The following HNRNPA2B1 variants were observed in gnomAD, a reference collection of about 807,000 sequenced individuals.
The protein encoded by HNRNPA2B1 is heterogeneous nuclear ribonucleoproteins A2/B1.
Under a neutral mutation model 46.3 loss-of-function variants are expected in HNRNPA2B1, and 3 were observed. That is an observed-to-expected ratio of 0.06 (90% CI 0.03 to 0.17). The LOEUF is 0.17. Among genes scored for constraint, HNRNPA2B1 ranks in the 10% least tolerant of loss-of-function variants. The pLI is 1.00. For missense variants in HNRNPA2B1, 221 were observed against 418.9 expected (o/e 0.53, Z 4.12); for synonymous variants, 225 against 133.8 (o/e 1.68, Z -4.70).
At position 26,196,491 on chromosome 7, in the gene HNRNPA2B1, A is replaced by G. The variant is rs199915606; in HGVS notation, c.578-10T>C. ...CCAAAGCCAAAGTTGCCTACAATAAATGCCCCAGTTAGAAGCAAGCCCTTA... is the reference window on the plus strand; with the variant it reads ...CCAAAGCCAAAGTTGCCTACAATAAGTGCCCCAGTTAGAAGCAAGCCCTTA... On this transcript the variant is annotated splice_polypyrimidine_tract_variant and intron_variant, in intron 5 of 10. Coordinates refer to ENST00000618183, the MANE Select transcript of HNRNPA2B1 (RefSeq NM_002137.4). 310 of 1,614,148 alleles carry G rather than the reference A, an allele frequency of 1.9e-4. No individual in the cohort carries two copies. The highest frequency in any genetic ancestry group is 2.6e-4 in the Non-Finnish European group (301 of 1,179,984).
At chr7:26,199,550 A>G (rs1784105938) in intron 1 of HNRNPA2B1, 1 of 152,206 alleles carries the variant, frequency 6.6e-6, no homozygotes, top group Non-Finnish European at 1.5e-5. Context: ...TCTCAGTAAC[A>G]ACATTACTTA....
At chr7:26,198,037 A>T (rs1783857287) in intron 1 of HNRNPA2B1, 2 of 440,022 alleles carry the variant, frequency 4.5e-6, no homozygotes, top group Non-Finnish European at 7.9e-6. Flanking sequence ...TTAAAAAAAA[A>T]ACTTTCTAAG....
intron 7 of HNRNPA2B1, among the ~76,000 whole-genome samples, chr7:26,195,431 GT>G (rs373772906): frequency 6.6e-6 from 1 of 152,174 alleles, no homozygotes; most frequent in African/African-American, 2.4e-5. Context: ...ATTTCCGTAG[GT>G]TACGCTTTTT....
intron 8 of HNRNPA2B1, 85 bp downstream of exon 8, chr7:26,193,490 G>A: frequency 1.3e-6 from 2 of 1,534,864 alleles, no homozygotes; most frequent in Non-Finnish European, 1.8e-6. Flanking sequence ...TGGGCATCTA[G>A]TGACAAACAT....
chr7:26,195,218 G>GT (rs1554332645), intron 7 of HNRNPA2B1, among the ~76,000 whole-genome samples: 1 of 150,460 alleles, frequency 6.6e-6, no homozygotes, highest in Non-Finnish European at 1.5e-5. Flanking sequence ...AAGTAGAACA[G>GT]TGAGATACAC....
Position 26,191,690 on chromosome 7 carries a change from T to C in HNRNPA2B1, c.*670A>G, listed in dbSNP as rs1306682419. On this transcript the variant is annotated 3_prime_UTR_variant, in exon 11 of 11. Coordinates refer to ENST00000618183, the MANE Select transcript of HNRNPA2B1 (RefSeq NM_002137.4). ...CTCCTTGCAGAGATATCCCTTAAGT[T>C]ATCTACATAATTTAATCCTGATGAA... The C allele has an allele frequency of 1.3e-5, 2 of 152,234 alleles. No individual in the cohort carries two copies. The highest frequency in any genetic ancestry group is 6.5e-5 in the Admixed American group (1 of 15,278). The allele number at this position is 152,234 out of a possible 1,614,324, so 9.4% of individuals were successfully genotyped here.
chr7:26,191,355 C>G lies in HNRNPA2B1; in HGVS notation c.*1005G>C, dbSNP rs190255971. 6.6e-6 allele frequency: 1 copy of G among 151,976 alleles called. No homozygotes were observed. The highest frequency in any genetic ancestry group is 2.4e-5 in the African/African-American group (1 of 41,360). 9.4% of individuals were successfully genotyped at this position (151,976 alleles called of 1,614,324 possible). ...CGTAAGAACCACTATACTGAAAGAC[C>G]ATTTAAGAGTATTAGTTTATCTTTT... is the stretch of plus-strand genomic sequence containing the variant. On this transcript the variant is annotated 3_prime_UTR_variant, in exon 11 of 11. Coordinates refer to ENST00000618183, the MANE Select transcript of HNRNPA2B1 (RefSeq NM_002137.4).
chr7:26,194,648 A>T (rs1036907135), intron 7 of HNRNPA2B1, among the ~76,000 whole-genome samples: 3 of 151,962 alleles, frequency 2.0e-5, no homozygotes, highest in African/African-American at 7.3e-5. Context: ...AGCCAAGATC[A>T]CACCACTGCA....
chr7:26,193,727 A>C (rs1204608593), intron 7 of HNRNPA2B1, 33 bp from the exon 8 acceptor site: 4 of 1,565,086 alleles, frequency 2.6e-6, no homozygotes, highest in East Asian at 2.2e-5. Context: ...GTAATCACTT[A>C]ATATTTTCAA....
In HNRNPA2B1 at chr7:26,192,478, A is replaced by G; in HGVS notation, c.*21+17T>C. ...CTCCCAAGATAATAATAATTGTAAA[A>G]CTCAAAAGCTACTTACCCATGGCAA... On this transcript the variant is annotated intron_variant, in intron 10 of 10. Transcript: ENST00000618183. 1 of 1,533,928 alleles carries G rather than the reference A, an allele frequency of 6.5e-7. No homozygotes were observed. Among genetic ancestry groups the G allele is most frequent in the Non-Finnish European group, 9.0e-7 (1 of 1,107,430 alleles).
intron 7 of HNRNPA2B1, among the ~76,000 whole-genome samples, chr7:26,195,320 TGTATCA>T (rs1204343615): frequency 2.0e-5 from 3 of 152,200 alleles, no homozygotes; most frequent in African/African-American, 7.2e-5. Flanking sequence ...TCTGTCAGTG[TGTATCA>T]GCCTTTTCTG....
intron 1 of HNRNPA2B1, chr7:26,197,933 C>CTGATACAGCG: frequency 8.8e-7 from 1 of 1,131,128 alleles, no homozygotes; most frequent in Non-Finnish European, 1.2e-6. Flanking sequence ...AGTTGTGTTA[C>CTGATACAGCG]ACCAAAAAAT....
chr7:26,193,542 T>C (rs751899839), intron 8 of HNRNPA2B1, 33 bp downstream of exon 8: 1 of 1,568,892 alleles, frequency 6.4e-7, no homozygotes, highest in Non-Finnish European at 8.6e-7. Flanking sequence ...TAATTCCAAA[T>C]TCCCACATAA....
At chr7:26,196,734 A>T (rs913284813) in intron 4 of HNRNPA2B1, 73 bp downstream of exon 4, 2 of 1,562,674 alleles carry the variant, frequency 1.3e-6, no homozygotes, top group Non-Finnish European at 1.8e-6. Context: ...CCTTTCAATA[A>T]AGTTACAGAT....
chr7:26,200,303 C>T, intron 1 of HNRNPA2B1: 1 of 527,586 alleles, frequency 1.9e-6, no homozygotes, highest in Non-Finnish European at 3.4e-6. Context: ...GCCCCACTTT[C>T]ACCCCAGCGG....
intron 8 of HNRNPA2B1, 84 bp downstream of exon 8, chr7:26,193,491 T>G (rs1273487689): frequency 5.2e-6 from 8 of 1,536,454 alleles, no homozygotes; most frequent in Non-Finnish European, 8.8e-7. Context: ...GGGCATCTAG[T>G]GACAAACATG....
chr7:26,194,341 A>G (rs1448284841), intron 7 of HNRNPA2B1, among the ~76,000 whole-genome samples: 1 of 152,016 alleles, frequency 6.6e-6, no homozygotes, highest in East Asian at 1.9e-4. Flanking sequence ...GGTTGCAGTG[A>G]GCTGAGATCA....
intron 9 of HNRNPA2B1, among the ~76,000 whole-genome samples, chr7:26,192,966 A>G (rs1436905192): frequency 2.0e-5 from 3 of 152,130 alleles, no homozygotes; most frequent in Non-Finnish European, 4.4e-5. Flanking sequence ...AATGTATACC[A>G]CTTGCAATGT....
At chr7:26,195,705 GAAATA>G in intron 7 of HNRNPA2B1, 137 bp downstream of exon 7, 1 of 859,546 alleles carries the variant, frequency 1.2e-6, no homozygotes, top group East Asian at 2.9e-5. Context: ...AAACTACTTA[GAAATA>G]ACTGGACCAC....
Sources: gnomAD v4.1 joint callset for allele counts (sites outside exome capture counted in the v4.1 genomes callset) on GRCh38, gnomAD v4.1.1 for gene constraint, MANE v1.5 for transcripts, NCBI Gene and HGNC (gene_info 2026-07-23, HGNC 2026-07-21) for gene names.